Variants in G2E3 observed in about 807,000 individuals in gnomAD.
G2E3 encodes the protein G2/M-phase specific E3 ubiquitin protein ligase, also known as G2/M phase-specific E3 ubiquitin-protein ligase.
G2E3 carries 35 observed loss-of-function variants against 92.8 expected under a neutral mutation model. That is an observed-to-expected ratio of 0.38 (90% confidence interval 0.29 to 0.50). The LOEUF (loss-of-function observed/expected upper bound fraction) is 0.50. G2E3 is among the 20% of genes least tolerant of loss of function. The pLI, the probability that G2E3 is intolerant of heterozygous loss-of-function variation, is 0.94. For synonymous variants in G2E3, 242 were observed against 272.4 expected (o/e 0.89, Z 1.10); for missense variants, 554 against 823.8 (o/e 0.67, Z 4.01).
chr14:30,585,585 CT>C (rs1166405949), intron 2 of G2E3, among the ~76,000 whole-genome samples: 99 of 144,444 alleles, frequency 6.9e-4, no homozygotes, highest in Admixed American at 1.0e-3. Context: ...TCTTCTCCCC[CT>C]TTTTTTTTTT....
chr14:30,591,107 G>A (rs532284500), intron 4 of G2E3: 114 of 171,266 alleles, frequency 6.7e-4, no homozygotes, highest in Middle Eastern at 2.9e-3. Context: ...TAAAACATCC[G>A]AATCCTCTCC....
chr14:30,606,238 A>ATT (rs35256959), intron 11 of G2E3, among the ~76,000 whole-genome samples: 1 of 147,174 alleles, frequency 6.8e-6, no homozygotes, highest in African/African-American at 2.5e-5. Flanking sequence ...TGTTTGCAAT[A>ATT]TTTTTTTTTT....
At chr14:30,583,809 A>G (rs1013570062) in intron 2 of G2E3, among the ~76,000 whole-genome samples, 4 of 152,196 alleles carry the variant, frequency 2.6e-5, no homozygotes, top group Non-Finnish European at 4.4e-5. Context: ...GTCTTAACTC[A>G]GGTCTCTCTG....
chr14:30,598,227 A>G (rs1285359287), intron 7 of G2E3: 4 of 326,722 alleles, frequency 1.2e-5, no homozygotes, highest in East Asian at 6.9e-5. Flanking sequence ...TCTACTAAAA[A>G]ATACAAAAAC....
chr14:30,593,636 A>G lies in G2E3; in HGVS notation c.525A>G (p.Leu175=). The change falls in exon 6 of 15, where the codon TTA becomes TTG. Residue 175 remains leucine, a synonymous_variant. Coordinates refer to ENST00000206595, the MANE Select transcript of G2E3 (RefSeq NM_017769.5). Reference sequence around the variant, plus strand: ...ACGCTTGGTTTCATAGAGACTGTTTACAGGTAAGATACATATTTTGTAAGC... The same window carrying G: ...ACGCTTGGTTTCATAGAGACTGTTTGCAGGTAAGATACATATTTTGTAAGC... The part of the protein sequence containing the change: ...CKNAWFHRDC[L]QVQAINAGVF... The G allele has an allele frequency of 6.3e-7, 1 of 1,595,808 alleles. No homozygotes were observed. Among genetic ancestry groups the G allele is most frequent in the Admixed American group, 1.7e-5 (1 of 59,580 alleles).
chr14:30,560,257 A>G (rs2138744368), intron 1 of G2E3: 1 of 152,886 alleles, frequency 6.5e-6, no homozygotes, highest in Middle Eastern at 3.4e-3. Flanking sequence ...TACAAGTTTT[A>G]CATCTTTATT....
chr14:30,594,012 A>G (rs1405984243), intron 6 of G2E3, among the ~76,000 whole-genome samples: 1 of 152,190 alleles, frequency 6.6e-6, no homozygotes, highest in Non-Finnish European at 1.5e-5. Context: ...CTTGATAGCA[A>G]GTTAAGATAT....
At chr14:30,599,278 A>G (rs545907093) in intron 8 of G2E3, among the ~76,000 whole-genome samples, 1 of 152,106 alleles carries the variant, frequency 6.6e-6, no homozygotes, top group Non-Finnish European at 1.5e-5. Context: ...CCCAGACTGG[A>G]GTACAGTGGC....
At chr14:30,597,216 G>C (rs927588944) in intron 6 of G2E3, among the ~76,000 whole-genome samples, 2 of 152,020 alleles carry the variant, frequency 1.3e-5, no homozygotes, top group African/African-American at 4.8e-5. Flanking sequence ...GTATTAATTA[G>C]CTTTTTTTTT....
intron 1 of G2E3, among the ~76,000 whole-genome samples, chr14:30,572,452 C>T (rs1187745852): frequency 6.6e-6 from 1 of 152,088 alleles, no homozygotes; most frequent in Non-Finnish European, 1.5e-5. Flanking sequence ...CCTTTTGTAT[C>T]TGTTGACATT....
At chr14:30,568,911 T>C (rs770657236) in intron 1 of G2E3, among the ~76,000 whole-genome samples, 6 of 152,182 alleles carry the variant, frequency 3.9e-5, no homozygotes, top group Non-Finnish European at 8.8e-5. Flanking sequence ...TCGTATGGCT[T>C]TGACTTACTG....
Position 30,617,703 on chromosome 14 carries a change from T to C in G2E3, c.*1169T>C, listed in dbSNP as rs1882378536. 1 of 152,162 alleles carries C rather than the reference T, an allele frequency of 6.6e-6. No individual in the cohort carries two copies. Among genetic ancestry groups the C allele is most frequent in the Non-Finnish European group, 1.5e-5 (1 of 67,970 alleles). The allele number at this position is 152,162 out of a possible 1,614,324, so 9.4% of individuals were successfully genotyped here. A position where few individuals can be genotyped will look rare whatever the true frequency, so the allele number is the denominator to read the frequency against. On this transcript the variant is annotated 3_prime_UTR_variant, in exon 15 of 15. Coordinates refer to ENST00000206595, the MANE Select transcript of G2E3 (RefSeq NM_017769.5). ...TACCGTATTTCTGTGTATCCTTCTA[T>C]AAACTCTTTACTTCTGTTTCCTTTA...
At chr14:30,582,599 T>C (rs1880494199) in intron 2 of G2E3, among the ~76,000 whole-genome samples, 1 of 152,214 alleles carries the variant, frequency 6.6e-6, no homozygotes, top group African/African-American at 2.4e-5. Context: ...CATAATTCTC[T>C]TTCTCTTGAG....
rs552410202 is a variant in G2E3, at chr14:30,573,200, AT to A, written c.-4-7874del. 2.2e-3 allele frequency among the ~76,000 whole-genome samples: 342 copies of A among 152,216 alleles called. 10 individuals carry two copies. Among genetic ancestry groups the A allele is most frequent in the Admixed American group, 0.02 (303 of 15,280 alleles). On this transcript the variant is annotated intron_variant, in intron 1 of 14. Transcript: ENST00000206595. ...TAAATAATTGATTCATGAAAAAAAA[AT>A]TCTAATAGCTTTTGACCTCTACCAT...
At chr14:30,601,688 A>G in intron 8 of G2E3, 82 bp from the exon 9 acceptor site, 9 of 1,347,976 alleles carry the variant, frequency 6.7e-6, no homozygotes, top group Non-Finnish European at 3.2e-6. Flanking sequence ...TGTGTGTAAG[A>G]AGGCAGGCCC....
At chr14:30,560,505 TTAGGA>T in intron 1 of G2E3, 1 of 392,812 alleles carries the variant, frequency 2.5e-6, no homozygotes, top group South Asian at 4.9e-5. Context: ...TACTCGGTGT[TTAGGA>T]TAGTTAAAAT....
intron 3 of G2E3, among the ~76,000 whole-genome samples, chr14:30,587,126 C>T (rs1880753499): frequency 6.6e-6 from 1 of 152,046 alleles, no homozygotes. Context: ...TTACCACTTT[C>T]TTATTTCATT....
intron 1 of G2E3, among the ~76,000 whole-genome samples, chr14:30,577,217 C>G (rs1407726857): frequency 9.5e-6 from 1 of 105,758 alleles, no homozygotes; most frequent in East Asian, 3.1e-4. Context: ...GAGCAAGACT[C>G]TGTCTCAAAA....
At chr14:30,590,972 A>T (rs2138848363) in intron 4 of G2E3, 1 of 223,384 alleles carries the variant, frequency 4.5e-6, no homozygotes, top group East Asian at 1.2e-4. Flanking sequence ...AAAATCCAAA[A>T]CCCAAAATGT....
Sources: allele counts gnomAD v4.1 joint callset (sites outside exome capture counted in the v4.1 genomes callset), GRCh38; gene constraint gnomAD v4.1.1; transcripts MANE v1.5; gene names NCBI Gene and HGNC (gene_info 2026-07-23, HGNC 2026-07-21).